RBFOX1: variants seen among roughly 807,000 people sequenced by gnomAD.
RBFOX1 encodes the protein RNA binding fox-1 homolog 1.
A neutral mutation model predicts 57.7 loss-of-function variants in RBFOX1; 8 were observed. The observed-to-expected ratio is 0.14, with a 90% CI of 0.08 to 0.25. RBFOX1 has a LOEUF of 0.25. Among genes scored for constraint, RBFOX1 ranks in the 10% least tolerant of loss-of-function variants. The probability of loss-of-function intolerance (pLI) is 1.00; values close to 1 mark genes in which losing one functional copy is unlikely to be tolerated. For missense variants in RBFOX1, 611 were observed against 548.5 expected (o/e 1.11, Z -1.14); for synonymous variants, 326 against 222.4 (o/e 1.47, Z -4.15).
At chr16:6,619,866 C>A (rs1275241492) in intron 2 of RBFOX1, among the ~76,000 whole-genome samples, 1 of 152,094 alleles carries the variant, frequency 6.6e-6, no homozygotes, top group African/African-American at 2.4e-5. Context: ...TCCCACCCTC[C>A]ACCCTACAAT....
chr16:6,122,594 T>G (rs1346391773), intron 1 of RBFOX1, among the ~76,000 whole-genome samples: 1 of 152,174 alleles, frequency 6.6e-6, no homozygotes, highest in African/African-American at 2.4e-5. Flanking sequence ...GACTAGGCCT[T>G]CCGTGTGACA....
At chr16:6,848,611 G>A (rs1229415300) in intron 3 of RBFOX1, among the ~76,000 whole-genome samples, 1 of 152,020 alleles carries the variant, frequency 6.6e-6, no homozygotes, top group Non-Finnish European at 1.5e-5. Flanking sequence ...GAAGATGTAT[G>A]TGTATGTGTG....
chr16:6,221,115 A>C (rs2097370519), intron 1 of RBFOX1, among the ~76,000 whole-genome samples: 1 of 152,164 alleles, frequency 6.6e-6, no homozygotes, highest in East Asian at 1.9e-4. Flanking sequence ...ATATTTCCAG[A>C]AGTGTAATCA....
At chr16:6,443,096 C>G (rs1018858672) in intron 2 of RBFOX1, among the ~76,000 whole-genome samples, 1 of 152,118 alleles carries the variant, frequency 6.6e-6, no homozygotes, top group African/African-American at 2.4e-5. Flanking sequence ...AAAACAGTTC[C>G]CAGCCCCCAG....
chr16:5,814,950 GA>G (rs1269165369), intron 3 of RBFOX1, among the ~76,000 whole-genome samples: 2,956 of 146,542 alleles, frequency 0.02, 78 homozygotes, highest in African/African-American at 0.062. Flanking sequence ...AGAAAAAAAA[GA>G]AAAAAAAAAA....
intron 3 of RBFOX1, among the ~76,000 whole-genome samples, chr16:6,796,446 C>T (rs1385562825): frequency 6.6e-6 from 1 of 152,070 alleles, no homozygotes; most frequent in Non-Finnish European, 1.5e-5. Flanking sequence ...ACCCTAACCC[C>T]CCACTGCCAA....
At chr16:6,876,016 T>TA (rs931276342) in intron 3 of RBFOX1, among the ~76,000 whole-genome samples, 4 of 150,798 alleles carry the variant, frequency 2.7e-5, no homozygotes, top group East Asian at 2.0e-4. Context: ...TAATTCCATT[T>TA]AAAAAAAATA....
At chr16:6,755,427 T>G (rs2075635248) in intron 3 of RBFOX1, among the ~76,000 whole-genome samples, 1 of 152,312 alleles carries the variant, frequency 6.6e-6, no homozygotes, top group Non-Finnish European at 1.5e-5. Context: ...TCATTGTGGT[T>G]TTGATTTGCA....
At chr16:7,330,482 GTGTGTGTGTGTGTGTGTGTGTGTGTGTT>G (rs1199105427) in intron 4 of RBFOX1, among the ~76,000 whole-genome samples, 1 of 109,810 alleles carries the variant, frequency 9.1e-6, no homozygotes, top group South Asian at 3.0e-4. Context: ...CTGTGTGTGT[GTGTGTGTGTGTGTGTGTGTGTGTGTGTT>G]TGTGTGTGTG....
intron 3 of RBFOX1, among the ~76,000 whole-genome samples, chr16:6,754,318 T>C (rs1002640813): frequency 2.0e-5 from 3 of 152,208 alleles, no homozygotes; most frequent in Non-Finnish European, 1.5e-5. Flanking sequence ...CCAAATTGCA[T>C]AAATGGTGTT....
chr16:6,442,410 A>G (rs559061513), intron 2 of RBFOX1, among the ~76,000 whole-genome samples: 1 of 152,128 alleles, frequency 6.6e-6, no homozygotes, highest in Non-Finnish European at 1.5e-5. Flanking sequence ...TACAAAAATT[A>G]GCTGGGCATG....
chr16:5,903,716 C>T (rs1337866765), intron 4 of RBFOX1, among the ~76,000 whole-genome samples: 2 of 152,116 alleles, frequency 1.3e-5, no homozygotes, highest in Non-Finnish European at 2.9e-5. Flanking sequence ...CCCATTTCAC[C>T]ACTTTGTCTC....
At chr16:6,884,842 C>T (rs1164681128) in intron 3 of RBFOX1, among the ~76,000 whole-genome samples, 3 of 152,158 alleles carry the variant, frequency 2.0e-5, no homozygotes, top group South Asian at 2.1e-4. Context: ...AGGTGGCAGT[C>T]AGCCCAGAGT....
At chr16:6,805,620 C>T (rs953559198) in intron 3 of RBFOX1, among the ~76,000 whole-genome samples, 2 of 150,496 alleles carry the variant, frequency 1.3e-5, no homozygotes, top group Non-Finnish European at 1.5e-5. Flanking sequence ...CAAATTATTC[C>T]TGGTATCTCT....
intron 1 of RBFOX1, among the ~76,000 whole-genome samples, chr16:5,303,092 A>G (rs1358301015): frequency 6.6e-6 from 1 of 152,050 alleles, no homozygotes; most frequent in Non-Finnish European, 1.5e-5. Flanking sequence ...GCTTTGGTTG[A>G]TAAAGAAAAC....
chr16:6,919,769 CTTTTT>C (rs57240620), intron 3 of RBFOX1, among the ~76,000 whole-genome samples: 1 of 123,510 alleles, frequency 8.1e-6, no homozygotes, highest in African/African-American at 3.0e-5. Flanking sequence ...TAAGATCATT[CTTTTT>C]TTTTTTTTTT....
At chr16:6,606,204 G>C (rs1206901477) in intron 2 of RBFOX1, among the ~76,000 whole-genome samples, 2 of 152,154 alleles carry the variant, frequency 1.3e-5, no homozygotes, top group African/African-American at 2.4e-5. Flanking sequence ...ACTTGGACAG[G>C]TAATCGGAGG....
chr16:6,887,458 A>T (rs1230344351), intron 3 of RBFOX1, among the ~76,000 whole-genome samples: 2 of 152,248 alleles, frequency 1.3e-5, no homozygotes, highest in South Asian at 4.2e-4. Flanking sequence ...TCATTTTCTA[A>T]ACTTCGCATC....
At chr16:7,138,026 C>A (rs1445034347) in intron 4 of RBFOX1, among the ~76,000 whole-genome samples, 1 of 152,170 alleles carries the variant, frequency 6.6e-6, no homozygotes, top group Non-Finnish European at 1.5e-5. Flanking sequence ...CGAGGTGACA[C>A]AGCAGAGGAG....
Sources: gnomAD v4.1 joint callset for allele counts (sites outside exome capture counted in the v4.1 genomes callset) on GRCh38, gnomAD v4.1.1 for gene constraint, MANE v1.5 for transcripts, NCBI Gene and HGNC (gene_info 2026-07-23, HGNC 2026-07-21) for gene names.